Variants in SLC68A1 observed in about 807,000 individuals in gnomAD.
SLC68A1 encodes the protein major facilitator superfamily domain containing 13A.
chr10:102,463,169 C>CT, the SLC68A1 span, among the ~76,000 whole-genome samples: 173 of 131,744 alleles, frequency 1.3e-3, 1 homozygote, highest in African/African-American at 4.7e-3. Flanking sequence ...CCCAGCCCTG[C>CT]TTTTTTTTTT....
chr10:102,473,281 G>T, the SLC68A1 span, among the ~76,000 whole-genome samples: 1 of 152,146 alleles, frequency 6.6e-6, no homozygotes, highest in African/African-American at 2.4e-5. Flanking sequence ...TAACACAGAG[G>T]AATATCATCT....
the SLC68A1 span, chr10:102,476,925 G>A: frequency 2.0e-6 from 2 of 985,724 alleles, no homozygotes; most frequent in African/African-American, 1.7e-5. Context: ...AGGTTTCTCT[G>A]CTTCAGCTGT....
the SLC68A1 span, chr10:102,468,212 G>A: frequency 6.6e-6 from 1 of 152,162 alleles, no homozygotes; most frequent in Non-Finnish European, 1.5e-5. Context: ...AACAGTGAGT[G>A]CTTTCTGTGA....
At chr10:102,465,389 C>T in the SLC68A1 span, among the ~76,000 whole-genome samples, 2 of 152,200 alleles carry the variant, frequency 1.3e-5, no homozygotes, top group South Asian at 2.1e-4. Flanking sequence ...TGAGCCACTG[C>T]ACTCCAGCCT....
At chr10:102,470,021 A>G in the SLC68A1 span, 6 of 1,614,004 alleles carry the variant, frequency 3.7e-6, no homozygotes, top group South Asian at 3.3e-5. Flanking sequence ...AACAGCCTCA[A>G]TGACCCCCTC....
the SLC68A1 span, chr10:102,461,779 AGCATAAAG>A: frequency 6.6e-6 from 1 of 152,256 alleles, no homozygotes; most frequent in South Asian, 2.1e-4. Flanking sequence ...CCGTGCCATT[AGCATAAAG>A]GCATTTAACC....
chr10:102,463,169 CTT>C, the SLC68A1 span, among the ~76,000 whole-genome samples: 19,419 of 131,786 alleles, frequency 0.15, 1,798 homozygotes, highest in East Asian at 0.43. Flanking sequence ...CCCAGCCCTG[CTT>C]TTTTTTTTTT....
At chr10:102,468,435 G>A in the SLC68A1 span, 1 of 152,564 alleles carries the variant, frequency 6.6e-6, no homozygotes, top group Non-Finnish European at 1.5e-5. Flanking sequence ...CACTTTGGGA[G>A]GCCGAGGTGG....
At chr10:102,470,150 G>A in the SLC68A1 span, 1 of 1,371,170 alleles carries the variant, frequency 7.3e-7, no homozygotes, top group Non-Finnish European at 1.0e-6. Flanking sequence ...ACCCCTGCCT[G>A]TGTTTGGGGT....
chr10:102,476,500 C>G, the SLC68A1 span: 1 of 985,750 alleles, frequency 1.0e-6, no homozygotes, highest in Non-Finnish European at 1.2e-6. Flanking sequence ...CCACCGCACT[C>G]GGCCAGGAGC....
At chr10:102,473,585 C>A in the SLC68A1 span, 1 of 1,610,046 alleles carries the variant, frequency 6.2e-7, no homozygotes, top group African/African-American at 1.3e-5. Context: ...TCCTATGTCG[C>A]TCCCCATCTC....
At chr10:102,470,977 T>C in the SLC68A1 span, 1 of 1,613,242 alleles carries the variant, frequency 6.2e-7, no homozygotes, top group Non-Finnish European at 8.5e-7. Context: ...ACAAGGAGGA[T>C]TTCTCCTCCT....
chr10:102,464,945 C>A, the SLC68A1 span, among the ~76,000 whole-genome samples: 1 of 151,830 alleles, frequency 6.6e-6, no homozygotes, highest in Non-Finnish European at 1.5e-5. Flanking sequence ...ATGGTGAAAC[C>A]CCAGTTCTAT....
chr10:102,470,484 TG>T, the SLC68A1 span, among the ~76,000 whole-genome samples: 3 of 151,814 alleles, frequency 2.0e-5, no homozygotes, highest in African/African-American at 7.3e-5. Context: ...AGGAGGAGAG[TG>T]TACCCACTGG....
the SLC68A1 span, among the ~76,000 whole-genome samples, chr10:102,464,354 G>C: frequency 6.6e-6 from 1 of 152,120 alleles, no homozygotes; most frequent in Non-Finnish European, 1.5e-5. Flanking sequence ...GGGAGGCTGA[G>C]GCAGGAAAAT....
At chr10:102,473,490 C>A in the SLC68A1 span, 11 of 1,401,390 alleles carry the variant, frequency 7.8e-6, no homozygotes, top group African/African-American at 1.4e-5. Context: ...TACAGGAATG[C>A]AGTCGGCTGT....
the SLC68A1 span, chr10:102,476,571 C>A: frequency 3.0e-6 from 3 of 985,916 alleles, no homozygotes; most frequent in African/African-American, 3.5e-5. Context: ...GACATGGCAG[C>A]GGGTAGCTCC....
chr10:102,462,514 C>T, the SLC68A1 span, among the ~76,000 whole-genome samples: 2 of 152,182 alleles, frequency 1.3e-5, no homozygotes, highest in African/African-American at 2.4e-5. Flanking sequence ...TTGGTTTCCG[C>T]CACTAAATTC....
chr10:102,476,404 C>T, the SLC68A1 span: 1 of 553,546 alleles, frequency 1.8e-6, no homozygotes, highest in Non-Finnish European at 2.3e-6. Flanking sequence ...AGGGTTTCAC[C>T]ACATTGGCCA....
Sources: allele counts gnomAD v4.1 joint callset (sites outside exome capture counted in the v4.1 genomes callset), GRCh38; gene constraint gnomAD v4.1.1; transcripts MANE v1.5; gene names NCBI Gene and HGNC (gene_info 2026-07-23, HGNC 2026-07-21).